AFG2A: variants seen among roughly 807,000 people sequenced by gnomAD.
AFG2A encodes the protein ATPase family gene 2 protein homolog A.
the AFG2A span, among the ~76,000 whole-genome samples, chr4:123,006,599 C>T: frequency 0.83 from 126,451 of 152,084 alleles, 53,717 homozygotes; most frequent in East Asian, 0.96. Flanking sequence ...TACCAGTTCA[C>T]AGCCTTTTTC....
chr4:123,073,488 A>G, the AFG2A span, among the ~76,000 whole-genome samples: 5 of 152,068 alleles, frequency 3.3e-5, no homozygotes, highest in African/African-American at 1.2e-4. Context: ...ATCATCTTCA[A>G]GGTATTTATG....
chr4:123,256,115 C>T, the AFG2A span: 4 of 1,613,998 alleles, frequency 2.5e-6, no homozygotes, highest in Non-Finnish European at 3.4e-6. Context: ...TCACTCCATG[C>T]CTGTCAGTAA....
At chr4:123,201,035 A>G in the AFG2A span, among the ~76,000 whole-genome samples, 47 of 152,376 alleles carry the variant, frequency 3.1e-4, no homozygotes, top group Middle Eastern at 3.4e-3. Flanking sequence ...GCTAAGAAAC[A>G]AAAACATTAA....
chr4:123,035,159 C>T, the AFG2A span, among the ~76,000 whole-genome samples: 2 of 152,200 alleles, frequency 1.3e-5, no homozygotes, highest in Non-Finnish European at 2.9e-5. Flanking sequence ...CAGACCCCAA[C>T]ACTATAAAGA....
At chr4:123,167,305 C>G in the AFG2A span, among the ~76,000 whole-genome samples, 1 of 151,144 alleles carries the variant, frequency 6.6e-6, no homozygotes, top group Non-Finnish European at 1.5e-5. Flanking sequence ...CTTAGCCTTT[C>G]TTTCTCCATA....
chr4:123,178,800 A>T, the AFG2A span, among the ~76,000 whole-genome samples: 4 of 152,196 alleles, frequency 2.6e-5, no homozygotes, highest in Non-Finnish European at 5.9e-5. Flanking sequence ...ATGCTGACAT[A>T]TTATCTTTGC....
chr4:123,116,786 C>T, the AFG2A span, among the ~76,000 whole-genome samples: 1 of 152,002 alleles, frequency 6.6e-6, no homozygotes, highest in Non-Finnish European at 1.5e-5. Flanking sequence ...TTCATGGAGA[C>T]AATATGGTGA....
At chr4:123,187,900 G>T in the AFG2A span, among the ~76,000 whole-genome samples, 2 of 151,700 alleles carry the variant, frequency 1.3e-5, no homozygotes, top group African/African-American at 2.4e-5. Flanking sequence ...GCAGGCTGAG[G>T]CAGGAGGATC....
At chr4:123,115,997 T>TTAG in the AFG2A span, among the ~76,000 whole-genome samples, 1 of 152,124 alleles carries the variant, frequency 6.6e-6, no homozygotes, top group Admixed American at 6.5e-5. Context: ...CCTCATGGGC[T>TTAG]CAGGTGATCC....
the AFG2A span, among the ~76,000 whole-genome samples, chr4:122,968,674 TTCTG>T: frequency 2.6e-5 from 4 of 152,242 alleles, no homozygotes; most frequent in African/African-American, 7.2e-5. Flanking sequence ...ATGTATGCAT[TTCTG>T]TCTATTATTT....
At chr4:123,226,052 C>A in the AFG2A span, among the ~76,000 whole-genome samples, 46 of 152,226 alleles carry the variant, frequency 3.0e-4, no homozygotes, top group South Asian at 7.1e-3. Flanking sequence ...GATTTTTGCA[C>A]ATTGATTTTG....
At chr4:123,295,366 G>A in the AFG2A span, among the ~76,000 whole-genome samples, 1 of 152,182 alleles carries the variant, frequency 6.6e-6, no homozygotes, top group African/African-American at 2.4e-5. Context: ...ACTGGAATTT[G>A]AATTTTGTCC....
At chr4:123,094,411 T>A in the AFG2A span, among the ~76,000 whole-genome samples, 102 of 152,264 alleles carry the variant, frequency 6.7e-4, no homozygotes, top group African/African-American at 2.3e-3. Flanking sequence ...AAAAGACTTA[T>A]AGCCAATTAA....
chr4:122,975,740 T>C, the AFG2A span, among the ~76,000 whole-genome samples: 1 of 152,076 alleles, frequency 6.6e-6, no homozygotes, highest in African/African-American at 2.4e-5. Flanking sequence ...CACTTTCTTT[T>C]CCTGCATACC....
chr4:123,029,968 G>C, the AFG2A span, among the ~76,000 whole-genome samples: 1 of 152,302 alleles, frequency 6.6e-6, no homozygotes, highest in South Asian at 2.1e-4. Flanking sequence ...TTGAAGTAAT[G>C]AGTGATTTTG....
the AFG2A span, among the ~76,000 whole-genome samples, chr4:123,036,502 A>G: frequency 6.6e-6 from 1 of 152,264 alleles, no homozygotes; most frequent in East Asian, 1.9e-4. Flanking sequence ...TCGAGAGATG[A>G]AAATATGGAA....
chr4:123,033,808 C>T, the AFG2A span, among the ~76,000 whole-genome samples: 2 of 152,072 alleles, frequency 1.3e-5, no homozygotes, highest in South Asian at 4.1e-4. Flanking sequence ...TCATTTTTTT[C>T]ATCCAGAAAA....
At chr4:123,215,239 CAT>C in the AFG2A span, among the ~76,000 whole-genome samples, 6 of 151,984 alleles carry the variant, frequency 3.9e-5, no homozygotes, top group South Asian at 1.2e-3. Context: ...ACAAAATTGA[CAT>C]AACAGATTTG....
the AFG2A span, among the ~76,000 whole-genome samples, chr4:123,299,117 A>ATGTGTGTGTGTGTG: frequency 9.9e-3 from 1,451 of 147,188 alleles, 17 homozygotes; most frequent in South Asian, 0.021. Flanking sequence ...GCATCTGCCA[A>ATGTGTGTGTGTGTG]TGTGTGTGTG....
Sources: gnomAD v4.1 joint callset for allele counts (sites outside exome capture counted in the v4.1 genomes callset) on GRCh38, gnomAD v4.1.1 for gene constraint, MANE v1.5 for transcripts, NCBI Gene and HGNC (gene_info 2026-07-23, HGNC 2026-07-21) for gene names.